The following MIGA2 variants were observed in gnomAD, a reference collection of about 807,000 sequenced individuals.
The protein encoded by MIGA2 is family with sequence similarity 73, member B.
Under a neutral mutation model 69.9 loss-of-function variants are expected in MIGA2, and 36 were observed. That is an observed-to-expected ratio of 0.52 (90% confidence interval 0.39 to 0.68). The LOEUF (loss-of-function observed/expected upper bound fraction) is 0.68, where lower values mean the gene tolerates loss of function less well. Among genes scored for constraint, MIGA2 ranks in the 30% least tolerant of loss-of-function variants. The probability of loss-of-function intolerance (pLI) is 0.00; values close to 1 mark genes in which losing one functional copy is unlikely to be tolerated. For synonymous variants in MIGA2, 333 were observed against 349.2 expected, an observed-to-expected ratio of 0.95 and a Z score of 0.52; for missense variants, 660 against 787.7, an observed-to-expected ratio of 0.84 and a Z score of 1.94.
At position 129,069,184 on chromosome 9, in the gene MIGA2, G is replaced by A. The variant is rs1014153216; in HGVS notation, c.1458+55G>A. On this transcript the variant is annotated intron_variant, in intron 14 of 15. Transcript: ENST00000684074. This position sits in a 1 kb window ranked among gnomAD's most constrained non-coding sequence, Gnocchi z 4.9. ...GAGCTGGGCTCTGAGGCAGCGTGGT[G>A]GGGAGCGGAGCGGGTGCAGGGTGGC... The A allele has an allele frequency of 6.2e-7, 1 of 1,609,808 alleles. No individual in the cohort carries two copies. The highest frequency in any genetic ancestry group is 8.5e-7 in the Non-Finnish European group (1 of 1,177,634).
chr9:129,051,284 A>T (rs28851328), intron 6 of MIGA2: 11,944 of 160,392 alleles, frequency 0.074, 686 homozygotes, highest in African/African-American at 0.17. Context: ...TTATTTATTT[A>T]TTTTTTTTTT....
chr9:129,055,906 T>C (rs1304410356), intron 6 of MIGA2, among the ~76,000 whole-genome samples: 1 of 151,646 alleles, frequency 6.6e-6, no homozygotes, highest in Non-Finnish European at 1.5e-5. Flanking sequence ...TCCCAACACT[T>C]AGGAGACCAA....
intron 11 of MIGA2, 24 bp downstream of exon 11, chr9:129,063,655 G>GGGGGGGCCC: frequency 3.1e-6 from 2 of 645,734 alleles, no homozygotes; most frequent in Non-Finnish European, 5.8e-6. Context: ...GGGTGGGGGG[G>GGGGGGGCCC]CAAATTATAA....
intron 6 of MIGA2, among the ~76,000 whole-genome samples, chr9:129,050,964 C>G (rs561333571): frequency 2.6e-5 from 4 of 152,044 alleles, no homozygotes; most frequent in Non-Finnish European, 5.9e-5. Context: ...ACCTCCGCCT[C>G]CCGGGTTTAA....
chr9:129,038,171 C>A (rs1356910136), intron 1 of MIGA2, among the ~76,000 whole-genome samples: 2 of 152,188 alleles, frequency 1.3e-5, no homozygotes, highest in African/African-American at 2.4e-5. Context: ...CAATTCACAG[C>A]CTCCTGGGCA....
Position 129,060,987 on chromosome 9 carries a change from T to C in MIGA2, c.895-244T>C, listed in dbSNP as rs1177359708. ...TGTCCTTCCTTGGGATGGGAGGACA[T>C]GCACATGTGTCCTTTAGATGGCCTT... On this transcript the variant is annotated intron_variant, in intron 8 of 15. Transcript: ENST00000684074. This position sits in a 1 kb window ranked among gnomAD's most constrained non-coding sequence, Gnocchi z 4.8. Among the ~76,000 whole-genome samples, 2 of 152,162 alleles carry C rather than the reference T, an allele frequency of 1.3e-5. No individual in the cohort carries two copies. The highest frequency in any genetic ancestry group is 2.9e-5 in the Non-Finnish European group (2 of 68,018).
Position 129,040,440 on chromosome 9 carries a change from T to A in MIGA2, c.-143-12T>A. 2.2e-6 allele frequency: 3 copies of A among 1,377,190 alleles called. No homozygotes were observed. The highest frequency in any genetic ancestry group is 2.8e-6 in the Non-Finnish European group (3 of 1,053,628). 85.3% of individuals were successfully genotyped at this position (1,377,190 alleles called of 1,614,324 possible). The stretch of plus-strand genomic sequence containing the variant: ...CACGTTCTCTTATCTGACTTGGTCA[T>A]CTGTCTCTTAGCTCTGTGGAGGGGC... On this transcript the variant is annotated splice_polypyrimidine_tract_variant and intron_variant, in intron 1 of 15. Transcript: ENST00000684074.
rs952996868 is a variant in MIGA2 at position 129,071,222 on chromosome 9, A to C, written c.*769A>C. ...AGGCTCTGAGCTGGGGGCTCAGACC[A>C]GGGATCGCTCAGGCCCCTGTCACCT... On this transcript the variant is annotated 3_prime_UTR_variant, in exon 16 of 16. Transcript: ENST00000684074. 6 of 152,346 alleles carry C rather than the reference A, an allele frequency of 3.9e-5. No homozygotes were observed. The highest frequency in any genetic ancestry group is 8.8e-5 in the Non-Finnish European group (6 of 68,120). The allele number at this position is 152,346 out of a possible 1,614,324, so 9.4% of individuals were successfully genotyped here. A position where few individuals can be genotyped will look rare whatever the true frequency, so the allele number is the denominator to read the frequency against.
In MIGA2 at chr9:129,061,408, C is replaced by T. The variant is rs771618727; in HGVS notation, c.1010+62C>T. 1.1e-4 allele frequency: 154 copies of T among 1,460,074 alleles called. 2 individuals are homozygous for T. The highest frequency in any genetic ancestry group is 9.5e-4 in the Middle Eastern group (4 of 4,216). The allele number at this position is 1,460,074 out of a possible 1,614,324, so 90.4% of individuals were successfully genotyped here. On this transcript the variant is annotated intron_variant, in intron 9 of 15. Coordinates refer to ENST00000684074, the MANE Select transcript of MIGA2 (RefSeq NM_001329990.2). The surrounding 1 kb of genome is among the most constrained non-coding windows in gnomAD (Gnocchi z 5.0). Reference sequence around the variant, plus strand: ...AGGCGATGGGTGATTCTGGCCCTTGCGGGAGGCGGAGAAGCCAGCGGTGCT... The same window carrying T: ...AGGCGATGGGTGATTCTGGCCCTTGTGGGAGGCGGAGAAGCCAGCGGTGCT...
In MIGA2 at chr9:129,069,618, G is replaced by A. The variant is rs553932976; in HGVS notation, c.1459-231G>A. ...TGGCCACGTGCTCCAGGCACTTCCCGCGGAGCCACTATGGCCCCACCTCTT... is the reference window on the plus strand; with the variant it reads ...TGGCCACGTGCTCCAGGCACTTCCCACGGAGCCACTATGGCCCCACCTCTT... On this transcript the variant is annotated intron_variant, in intron 14 of 15. Coordinates refer to ENST00000684074, the MANE Select transcript of MIGA2 (RefSeq NM_001329990.2). The surrounding 1 kb of genome is among the most constrained non-coding windows in gnomAD (Gnocchi z 4.9). The A allele has an allele frequency of 4.9e-5, 28 of 574,942 alleles. No homozygotes were observed. The highest frequency in any genetic ancestry group is 4.5e-4 in the Middle Eastern group (1 of 2,232). The allele number at this position is 574,942 out of a possible 1,614,324, so 35.6% of individuals were successfully genotyped here. A position where few individuals can be genotyped will look rare whatever the true frequency, so the allele number is the denominator to read the frequency against.
At chr9:129,064,046 T>C (rs1846207680) in intron 11 of MIGA2, among the ~76,000 whole-genome samples, 1 of 152,198 alleles carries the variant, frequency 6.6e-6, no homozygotes, top group Non-Finnish European at 1.5e-5. Flanking sequence ...GGCAGAGCCT[T>C]GGATATGACA....
chr9:129,044,289 C>A (rs185341686), intron 3 of MIGA2, among the ~76,000 whole-genome samples: 179 of 151,920 alleles, frequency 1.2e-3, no homozygotes, highest in Admixed American at 2.6e-3. Flanking sequence ...CCGTGCCTGG[C>A]CCCTTCTTCT....
intron 2 of MIGA2, 85 bp from the exon 3 acceptor site, chr9:129,042,219 C>T (rs1464394453): frequency 2.1e-5 from 29 of 1,360,004 alleles, no homozygotes; most frequent in African/African-American, 4.3e-5. Context: ...GTGTGTGTCC[C>T]GTCCCTGAGG....
In MIGA2 at chr9:129,049,886, C is replaced by CG; in HGVS notation, c.604dup (p.Asp202GlyfsTer24). On this transcript the variant is annotated frameshift_variant, in exon 6 of 16. Transcript: ENST00000684074. LOFTEE classifies it high-confidence loss of function. ...GGAGCAGGCACTAAGCGTGGGCCAG[C>CG]GGGGGGACAGCGGCAGCACCCCCAT... 6.2e-7 allele frequency: 1 copy of CG among 1,613,868 alleles called. No homozygotes were observed.
Position 129,061,444 on chromosome 9 carries a change from T to G in MIGA2, c.1010+98T>G. ...GAAGCCAGCGGTGCTTGGCGAGGAC[T>G]TAGCCTGAGTGAGTCCAGGCTGCCT... On this transcript the variant is annotated intron_variant, in intron 9 of 15. Transcript: ENST00000684074. This position sits in a 1 kb window ranked among gnomAD's most constrained non-coding sequence, Gnocchi z 5.0. 1 of 1,098,316 alleles carries G rather than the reference T, an allele frequency of 9.1e-7. No individual in the cohort carries two copies. 68.0% of individuals were successfully genotyped at this position (1,098,316 alleles called of 1,614,324 possible). A position where few individuals can be genotyped will look rare whatever the true frequency, so the allele number is the denominator to read the frequency against.
intron 6 of MIGA2, among the ~76,000 whole-genome samples, chr9:129,050,234 C>G: frequency 6.6e-6 from 1 of 152,186 alleles, no homozygotes; most frequent in East Asian, 1.9e-4. Flanking sequence ...GGGAAGGCGC[C>G]TCTGTTGAGG....
intron 11 of MIGA2, 24 bp downstream of exon 11, chr9:129,063,655 G>GGGGGGCCC: frequency 3.3e-5 from 21 of 645,576 alleles, no homozygotes; most frequent in Non-Finnish European, 5.5e-5. Context: ...GGGTGGGGGG[G>GGGGGGCCC]CAAATTATAA....
At position 129,068,087 on chromosome 9, in the gene MIGA2, C is replaced by G. The variant is rs7044671; in HGVS notation, c.1270-111C>G. ...AGCAGAGCGGGAAAGACGTGTCCCC[C>G]CCACGTGTGCTCATGCCCTGGACCC... On this transcript the variant is annotated intron_variant, in intron 12 of 15. Coordinates refer to ENST00000684074, the MANE Select transcript of MIGA2 (RefSeq NM_001329990.2). This position sits in a 1 kb window ranked among gnomAD's most constrained non-coding sequence, Gnocchi z 4.1. The G allele has an allele frequency of 4.8e-4, 709 of 1,465,278 alleles. 1 individual carries two copies. In the African/African-American group the frequency reaches 6.8e-3, roughly 14 times the overall value. 90.8% of individuals were successfully genotyped at this position (1,465,278 alleles called of 1,614,324 possible).
intron 11 of MIGA2, among the ~76,000 whole-genome samples, chr9:129,067,135 CAAAAAAAA>C (rs774512522): frequency 9.6e-5 from 5 of 52,018 alleles, no homozygotes; most frequent in African/African-American, 3.7e-4. Context: ...GACTCCATCT[CAAAAAAAA>C]AAAAAAAAAA....
Sources: gnomAD v4.1 joint callset for allele counts (sites outside exome capture counted in the v4.1 genomes callset) on GRCh38, gnomAD v4.1.1 for gene constraint, Gnocchi (gnomAD v3.1) non-coding constraint, MANE v1.5 for transcripts, NCBI Gene and HGNC (gene_info 2026-07-23, HGNC 2026-07-21) for gene names.